The following MYO5A variants were observed in gnomAD, a reference collection of about 807,000 sequenced individuals.
MYO5A encodes unconventional myosin-Va.
Under a neutral mutation model 249.7 loss-of-function variants are expected in MYO5A, and 98 were observed. The ratio of observed to expected loss-of-function variants is 0.39; its 90% CI spans 0.33 to 0.46. The LOEUF is 0.46. Ranked by LOEUF, MYO5A falls within the 20% of genes least tolerant of loss-of-function variation. The pLI, the probability that MYO5A is intolerant of heterozygous loss-of-function variation, is 0.98. For missense variants in MYO5A, 1,696 were observed against 2,308.8 expected (o/e 0.73, Z 5.44); for synonymous variants, 778 against 810.6 (o/e 0.96, Z 0.68).
intron 1 of MYO5A, among the ~76,000 whole-genome samples, chr15:52,495,339 T>TA (rs966308278): frequency 9.2e-5 from 14 of 151,914 alleles, no homozygotes; most frequent in African/African-American, 2.2e-4. Context: ...ATGTGGATTG[T>TA]AAAAAAAAGT....
chr15:52,410,208 G>A (rs1030800127), intron 6 of MYO5A, 125 bp downstream of exon 6: 1 of 1,156,938 alleles, frequency 8.6e-7, no homozygotes, highest in East Asian at 2.4e-5. Flanking sequence ...TCCAAGTGTG[G>A]TTGGAGGTAA....
At chr15:52,387,741 C>T (rs745784392) in intron 14 of MYO5A, 88 bp downstream of exon 14, 61 of 1,060,636 alleles carry the variant, frequency 5.8e-5, no homozygotes, top group African/African-American at 3.3e-4. Flanking sequence ...AAAACTGAAA[C>T]AGATTTTTGT....
chr15:52,319,281 C>T lies in MYO5A; in HGVS notation c.5013G>A (p.Leu1671=). The change falls in exon 39 of 42, where the codon TTG becomes TTA. Residue 1671 remains leucine, a synonymous_variant. Transcript: ENST00000399233. Reference sequence around the variant, plus strand: ...CGGCGATACTGGAGGTTCGCTTTCTCAACCCTGTGGGCTTCACCCCAGACA... The same window carrying T: ...CGGCGATACTGGAGGTTCGCTTTCTTAACCCTGTGGGCTTCACCCCAGACA... ...QGVSGVKPTG[L]RKRTSSIADE... The T allele has an allele frequency of 6.2e-7, 1 of 1,614,192 alleles. No homozygotes were observed. The highest frequency in any genetic ancestry group is 2.2e-5 in the East Asian group (1 of 44,886).
intron 2 of MYO5A, among the ~76,000 whole-genome samples, chr15:52,429,604 A>T (rs1425646960): frequency 6.6e-6 from 1 of 152,016 alleles, no homozygotes; most frequent in East Asian, 1.9e-4. Context: ...CAGGAGAATC[A>T]CTTGAACCCT....
intron 34 of MYO5A, among the ~76,000 whole-genome samples, chr15:52,332,127 T>A (rs1481305298): frequency 6.6e-6 from 1 of 152,186 alleles, no homozygotes; most frequent in Non-Finnish European, 1.5e-5. Context: ...TCTATGCCAC[T>A]AGTAACTTTT....
In MYO5A at chr15:52,337,795, T is replaced by A; in HGVS notation, c.4314+15A>T. 1 of 1,521,786 alleles carries A rather than the reference T, an allele frequency of 6.6e-7. No homozygotes were observed. The highest frequency in any genetic ancestry group is 8.9e-7 in the Non-Finnish European group (1 of 1,123,310). 94.3% of individuals were successfully genotyped at this position (1,521,786 alleles called of 1,614,324 possible). ...GCAAGGGAAGACAGCAGAAAAGCAC[T>A]ATGGTTTTACATACAATCATCCGTT... On this transcript the variant is annotated intron_variant, in intron 33 of 41. Coordinates refer to ENST00000399233, the MANE Select transcript of MYO5A (RefSeq NM_001382347.1).
At chr15:52,316,955 A>T (rs546233499) in intron 40 of MYO5A, 93 bp downstream of exon 40, 5 of 1,346,094 alleles carry the variant, frequency 3.7e-6, no homozygotes, top group Middle Eastern at 1.8e-4. Context: ...GTCAGCTCAG[A>T]GATACAAGCA....
At chr15:52,405,914 T>C (rs2042985452) in intron 8 of MYO5A, among the ~76,000 whole-genome samples, 1 of 152,230 alleles carries the variant, frequency 6.6e-6, no homozygotes, top group Non-Finnish European at 1.5e-5. Flanking sequence ...TAAGGCTGTT[T>C]AAAAAGTAAT....
chr15:52,338,912 T>C, intron 32 of MYO5A, among the ~76,000 whole-genome samples: 1 of 152,220 alleles, frequency 6.6e-6, no homozygotes, highest in East Asian at 1.9e-4. Flanking sequence ...AATCAACTTA[T>C]TATATTATTC....
At chr15:52,366,842 T>C (rs1162913023) in intron 23 of MYO5A, among the ~76,000 whole-genome samples, 189 bp downstream of exon 23, 1 of 152,212 alleles carries the variant, frequency 6.6e-6, no homozygotes, top group African/African-American at 2.4e-5. Flanking sequence ...TACAAGTTTA[T>C]CAAGCAACGA....
intron 1 of MYO5A, among the ~76,000 whole-genome samples, chr15:52,482,595 G>A (rs1270285880): frequency 4.6e-5 from 7 of 151,618 alleles, no homozygotes; most frequent in African/African-American, 1.5e-4. Flanking sequence ...AACTCAACAA[G>A]GTGAAATTTA....
chr15:52,381,161 C>T (rs1355563543), intron 16 of MYO5A, among the ~76,000 whole-genome samples: 1 of 138,334 alleles, frequency 7.2e-6, no homozygotes, highest in Non-Finnish European at 1.6e-5. Flanking sequence ...CCATCCGGGC[C>T]TCCCCTGTGC....
chr15:52,496,964 C>A (rs559307734), intron 1 of MYO5A, among the ~76,000 whole-genome samples: 5 of 152,108 alleles, frequency 3.3e-5, no homozygotes, highest in African/African-American at 1.2e-4. Flanking sequence ...TTAGTTGAAA[C>A]AGCTTTTTTT....
chr15:52,314,209 A>C lies in MYO5A; in HGVS notation c.5410-6T>G, dbSNP rs908886470. ...AAATTCAACACTTTCACAATCTGTG[A>C]GAAATGAAATGATCAAAGTTTTTGG... On this transcript the variant is annotated splice_polypyrimidine_tract_variant and splice_region_variant and intron_variant, in intron 40 of 41. Coordinates refer to ENST00000399233, the MANE Select transcript of MYO5A (RefSeq NM_001382347.1). 1.9e-6 allele frequency: 3 copies of C among 1,602,056 alleles called. No individual in the cohort carries two copies. The African/African-American group carries it at 4.0e-5, about 21-fold the overall frequency.
chr15:52,383,936 G>T (rs1160213377), intron 15 of MYO5A, among the ~76,000 whole-genome samples: 2 of 152,246 alleles, frequency 1.3e-5, no homozygotes, highest in East Asian at 3.8e-4. Context: ...ATGCACGAGA[G>T]AATTAAGCTG....
intron 5 of MYO5A, 112 bp from the exon 6 acceptor site, chr15:52,410,588 ATTTTT>A (rs5812605): frequency 1.8e-5 from 12 of 683,270 alleles, no homozygotes; most frequent in Non-Finnish European, 2.1e-5. Context: ...CTTAAAATTG[ATTTTT>A]TTTTTTTTTT....
In MYO5A at chr15:52,372,127, C is replaced by T. The variant is rs190656197; in HGVS notation, c.2814G>A (p.Glu938=). 8,663 of 1,613,618 alleles carry T rather than the reference C, an allele frequency of 5.4e-3. 29 individuals carry two copies. Among genetic ancestry groups the T allele is most frequent in the Non-Finnish European group, 6.7e-3 (7,904 of 1,180,002 alleles). Residue 938 remains glutamate, a synonymous_variant, in exon 21 of 42, where the codon GAG becomes GAA. Transcript: ENST00000399233. ...AGGGCCCCTTTGTGAAACACACCTG[C>T]TCATCAACTTTGCGCTGCAGCTGCA... ...KIMQLQRKVD[E]QNKDYKCLVE...
intron 1 of MYO5A, among the ~76,000 whole-genome samples, chr15:52,440,622 T>C (rs1193431627): frequency 6.6e-6 from 1 of 152,162 alleles, no homozygotes; most frequent in African/African-American, 2.4e-5. Flanking sequence ...GAAGAGGCCC[T>C]TGATTGATGC....
chr15:52,391,282 A>AT (rs1462733105), intron 12 of MYO5A, among the ~76,000 whole-genome samples: 2 of 152,140 alleles, frequency 1.3e-5, no homozygotes, highest in African/African-American at 4.8e-5. Flanking sequence ...TTTGGTTTGC[A>AT]TTTTTTAAAA....
Sources: allele counts gnomAD v4.1 joint callset (sites outside exome capture counted in the v4.1 genomes callset), GRCh38; gene constraint gnomAD v4.1.1; transcripts MANE v1.5; gene names NCBI Gene and HGNC (gene_info 2026-07-23, HGNC 2026-07-21).